STX7: variants seen among roughly 807,000 people sequenced by gnomAD.
The protein encoded by STX7 is syntaxin-7.
In STX7, 34 loss-of-function variants were observed where a neutral mutation model predicts 39.6. That is an observed-to-expected ratio of 0.86 (90% CI 0.65 to 1.14). The LOEUF is 1.14. Ranked by LOEUF, STX7 falls within the 50% of genes most tolerant of loss-of-function variation. The pLI, the probability that STX7 is intolerant of heterozygous loss-of-function variation, is 0.00. For missense variants in STX7, 284 were observed against 310.4 expected (o/e 0.92, Z 0.64); for synonymous variants, 119 against 99.1 (o/e 1.20, Z -1.19).
intron 7 of STX7, 39 bp from the exon 8 acceptor site, chr6:132,468,514 A>C: frequency 2.6e-6 from 4 of 1,526,194 alleles, no homozygotes; most frequent in Non-Finnish European, 3.6e-6. Flanking sequence ...TCAGAAATTC[A>C]GTCCCCATTC....
At chr6:132,492,898 G>A (rs2788942) in intron 2 of STX7, among the ~76,000 whole-genome samples, 95,375 of 152,056 alleles carry the variant, frequency 0.63, 30,172 homozygotes, top group Middle Eastern at 0.79. Context: ...AAATCACTGG[G>A]TGTACTTGGG....
intron 9 of STX7, chr6:132,461,821 T>C (rs766240725): frequency 5.2e-6 from 8 of 1,533,052 alleles, no homozygotes; most frequent in African/African-American, 1.4e-5. Context: ...ATTTCTTTAA[T>C]GGCGTTTGTA....
At chr6:132,462,622 T>TGTGTGTGTGTGTGTG (rs1562320499) in intron 9 of STX7, among the ~76,000 whole-genome samples, 4 of 145,250 alleles carry the variant, frequency 2.8e-5, no homozygotes, top group African/African-American at 1.0e-4. Context: ...TGTGTGTGTG[T>TGTGTGTGTGTGTGTG]TTTCAATTAT....
intron 9 of STX7, among the ~76,000 whole-genome samples, chr6:132,461,172 G>A (rs1383992499): frequency 6.6e-6 from 1 of 152,140 alleles, no homozygotes; most frequent in Non-Finnish European, 1.5e-5. Context: ...ACAAGAGACT[G>A]AGGTTACCTA....
In STX7 at chr6:132,454,589, T is replaced by C. The variant is rs1774207210; in HGVS notation, c.*6169A>G. The C allele has an allele frequency of 2.0e-5, 3 of 152,308 alleles. No homozygotes were observed. The South Asian group carries it at 6.2e-4, about 32-fold the overall frequency. 9.4% of individuals were successfully genotyped at this position (152,308 alleles called of 1,614,324 possible). Reference sequence around the variant, plus strand: ...TAAAGAATGGGCTCTATTTCAAATGTCCATACCATTCCAAAGGAAAGTATT... The same window carrying C: ...TAAAGAATGGGCTCTATTTCAAATGCCCATACCATTCCAAAGGAAAGTATT... On this transcript the variant is annotated 3_prime_UTR_variant, in exon 10 of 10. Coordinates refer to ENST00000367941, the MANE Select transcript of STX7 (RefSeq NM_003569.3).
At chr6:132,481,283 G>T (rs1050389387) in intron 2 of STX7, among the ~76,000 whole-genome samples, 2 of 151,932 alleles carry the variant, frequency 1.3e-5, no homozygotes, top group African/African-American at 4.8e-5. Flanking sequence ...GATCTTTTTG[G>T]TTATAATATG....
At position 132,454,074 on chromosome 6, in the gene STX7, G is replaced by C. The variant is rs1774195474; in HGVS notation, c.*6684C>G. The C allele has an allele frequency of 6.6e-6, 1 of 151,838 alleles. No homozygotes were observed. Among genetic ancestry groups the C allele is most frequent in the Non-Finnish European group, 1.5e-5 (1 of 67,936 alleles). The allele number at this position is 151,838 out of a possible 1,614,324, so 9.4% of individuals were successfully genotyped here. A position where few individuals can be genotyped will look rare whatever the true frequency, so the allele number is the denominator to read the frequency against. ...CAAACTGTGGTACATCTATACTATGGGATTCTATTCACACTAAAAAGTACC... is the reference window on the plus strand; with the variant it reads ...CAAACTGTGGTACATCTATACTATGCGATTCTATTCACACTAAAAAGTACC... On this transcript the variant is annotated 3_prime_UTR_variant, in exon 10 of 10. Transcript: ENST00000367941.
chr6:132,491,021 C>CAGCACAGCACAGCAG (rs1324123351), intron 2 of STX7, among the ~76,000 whole-genome samples: 2 of 149,892 alleles, frequency 1.3e-5, no homozygotes, highest in Non-Finnish European at 2.9e-5. Flanking sequence ...CAGCACAGCA[C>CAGCACAGCACAGCAG]AGCAGAGAGA....
At chr6:132,468,765 C>A (rs1001838867) in intron 7 of STX7, among the ~76,000 whole-genome samples, 2 of 152,108 alleles carry the variant, frequency 1.3e-5, no homozygotes, top group South Asian at 2.1e-4. Flanking sequence ...TAGAGAAGAG[C>A]CATGGATTGC....
At chr6:132,481,157 T>C (rs1775006240) in intron 2 of STX7, among the ~76,000 whole-genome samples, 2 of 152,330 alleles carry the variant, frequency 1.3e-5, no homozygotes, top group East Asian at 3.9e-4. Context: ...CAGGAGCTTT[T>C]GTTTTTAAGC....
rs777395239 is a variant in STX7, at chr6:132,470,558, GT to G, written c.440+15del. On this transcript the variant is annotated intron_variant, in intron 6 of 9. Coordinates refer to ENST00000367941, the MANE Select transcript of STX7 (RefSeq NM_003569.3). ...AAAATTACCTTTTGATCTGTAAAAT[GT>G]TTTGTATTTCTTACCTTTCCCAGGA... 1 of 1,592,552 alleles carries G rather than the reference GT, an allele frequency of 6.3e-7. No individual in the cohort carries two copies. The highest frequency in any genetic ancestry group is 1.1e-5 in the South Asian group (1 of 88,884).
rs375342543 is a variant in STX7, at chr6:132,463,950, C to T, written c.693+43G>A. ...CAACACAAACACACACACACACATACGAAAAGGATAAGTTATAAGAAAATT... is the reference window on the plus strand; with the variant it reads ...CAACACAAACACACACACACACATATGAAAAGGATAAGTTATAAGAAAATT... On this transcript the variant is annotated intron_variant, in intron 9 of 9. Coordinates refer to ENST00000367941, the MANE Select transcript of STX7 (RefSeq NM_003569.3). 3.4e-5 allele frequency: 53 copies of T among 1,581,590 alleles called. No individual in the cohort carries two copies. In the South Asian group the frequency reaches 3.9e-4, roughly 12 times the overall value.
chr6:132,475,712 CAGAA>C lies in STX7; in HGVS notation c.86-54_86-51del, dbSNP rs753424855. ...TTAATTGTCACAAAAGTTAAGGTAA[CAGAA>C]AGAGTTAAAAATTAATATGTACAAG... On this transcript the variant is annotated intron_variant, in intron 2 of 9. Transcript: ENST00000367941. 1.3e-5 allele frequency: 17 copies of C among 1,339,340 alleles called. No homozygotes were observed. The African/African-American group carries it at 2.1e-4, about 16-fold the overall frequency. The allele number at this position is 1,339,340 out of a possible 1,614,324, so 83.0% of individuals were successfully genotyped here. A position where few individuals can be genotyped will look rare whatever the true frequency, so the allele number is the denominator to read the frequency against.
rs547925865 is a variant in STX7 at position 132,473,222 on chromosome 6, C to T, written c.156-847G>A. ...ACAAATTTACTATTATTTAAGTTTA[C>T]GCTGGAAAAAATAATGGCATTTCCT... On this transcript the variant is annotated intron_variant, in intron 3 of 9. Coordinates refer to ENST00000367941, the MANE Select transcript of STX7 (RefSeq NM_003569.3). Among the ~76,000 whole-genome samples, 5 of 152,028 alleles carry T rather than the reference C, an allele frequency of 3.3e-5. No individual in the cohort carries two copies. The South Asian group carries it at 6.2e-4, about 19-fold the overall frequency.
At chr6:132,493,903 C>T (rs1224692761) in intron 2 of STX7, among the ~76,000 whole-genome samples, 1 of 152,154 alleles carries the variant, frequency 6.6e-6, no homozygotes, top group Non-Finnish European at 1.5e-5. Flanking sequence ...AGCCACTACA[C>T]AACTAACCAT....
At chr6:132,494,835 T>C (rs971326019) in intron 2 of STX7, among the ~76,000 whole-genome samples, 2 of 152,182 alleles carry the variant, frequency 1.3e-5, no homozygotes, top group Non-Finnish European at 2.9e-5. Flanking sequence ...TTTACAGTTT[T>C]ACAGGTTTAC....
chr6:132,488,263 ATCTTTTAAAGTTTGTTGAAAC>A (rs1389998519), intron 2 of STX7, among the ~76,000 whole-genome samples: 2 of 152,188 alleles, frequency 1.3e-5, no homozygotes, highest in African/African-American at 4.8e-5. Flanking sequence ...TATGACTTGA[ATCTTTTAAAGTTTGTTGAAAC>A]TCTTGATTAA....
intron 2 of STX7, among the ~76,000 whole-genome samples, chr6:132,489,784 C>T (rs888564924): frequency 2.6e-5 from 4 of 152,180 alleles, no homozygotes; most frequent in African/African-American, 9.7e-5. Context: ...TTACAACACA[C>T]TTAATTTTCA....
At chr6:132,472,417 ACTT>A in intron 3 of STX7, 42 bp from the exon 4 acceptor site, 1 of 1,467,756 alleles carries the variant, frequency 6.8e-7, no homozygotes, top group South Asian at 1.3e-5. Flanking sequence ...GGACTAATAT[ACTT>A]CTTTAAGCTT....
Sources: gnomAD v4.1 joint callset for allele counts (sites outside exome capture counted in the v4.1 genomes callset) on GRCh38, gnomAD v4.1.1 for gene constraint, MANE v1.5 for transcripts, NCBI Gene and HGNC (gene_info 2026-07-23, HGNC 2026-07-21) for gene names.